PIEZO2: variants seen among roughly 807,000 people sequenced by gnomAD.
The protein encoded by PIEZO2 is piezo type mechanosensitive ion channel component 2, also known as piezo-type mechanosensitive ion channel component 2.
Under a neutral mutation model 337.3 loss-of-function variants are expected in PIEZO2, and 172 were observed. The observed-to-expected ratio is 0.51, with a 90% CI of 0.45 to 0.58. The LOEUF (loss-of-function observed/expected upper bound fraction) is 0.58, where lower values mean the gene tolerates loss of function less well. Ranked by LOEUF, PIEZO2 falls within the 20% of genes least tolerant of loss-of-function variation. The probability of loss-of-function intolerance (pLI) is 0.00; values close to 1 mark genes in which losing one functional copy is unlikely to be tolerated. For missense variants in PIEZO2, 3,028 were observed against 3,391.3 expected (o/e 0.89, Z 2.66); for synonymous variants, 1,251 against 1,228.5 (o/e 1.02, Z -0.38).
In PIEZO2 at chr18:11,027,018, G is replaced by C. The variant is rs1050434170; in HGVS notation, c.160+39109C>G. Among the ~76,000 whole-genome samples the C allele has an allele frequency of 6.6e-6, 1 of 152,242 alleles. No homozygotes were observed. The highest frequency in any genetic ancestry group is 6.5e-5 in the Admixed American group (1 of 15,286). On this transcript the variant is annotated intron_variant, in intron 2 of 55. Transcript: ENST00000674853. The surrounding 1 kb of genome is among the most constrained non-coding windows in gnomAD (Gnocchi z 4.2). Reference sequence around the variant, plus strand: ...CACAGCACTTATGTGTATGAGACAAGACTCTGCCCAAAAGTATTTTATAAG... The same window carrying C: ...CACAGCACTTATGTGTATGAGACAACACTCTGCCCAAAAGTATTTTATAAG...
intron 1 of PIEZO2, among the ~76,000 whole-genome samples, chr18:11,074,521 T>C (rs2038461581): frequency 6.6e-6 from 1 of 152,204 alleles, no homozygotes; most frequent in Admixed American, 6.5e-5. Context: ...AATCAAAAAC[T>C]GAGATAACAA....
chr18:10,685,036 A>G (rs984786756), intron 49 of PIEZO2, among the ~76,000 whole-genome samples: 1 of 152,126 alleles, frequency 6.6e-6, no homozygotes, highest in African/African-American at 2.4e-5. Context: ...ATGTTCTGGA[A>G]AGTGGTGCAT....
intron 1 of PIEZO2, among the ~76,000 whole-genome samples, chr18:11,142,370 G>T (rs1240303941): frequency 3.3e-5 from 5 of 152,174 alleles, no homozygotes; most frequent in Non-Finnish European, 7.4e-5. Context: ...GGCTTTTCAC[G>T]ATGTTGAGTA....
chr18:10,890,144 CA>C (rs1456014011), intron 4 of PIEZO2, among the ~76,000 whole-genome samples: 8 of 152,204 alleles, frequency 5.3e-5, no homozygotes, highest in Non-Finnish European at 1.2e-4. Flanking sequence ...AATGGAAAGC[CA>C]GTAAAATCTT....
At chr18:10,787,291 G>T in intron 15 of PIEZO2, 107 bp from the exon 16 acceptor site, 1 of 1,094,504 alleles carries the variant, frequency 9.1e-7, no homozygotes, top group Non-Finnish European at 1.3e-6. Context: ...ATTTACAAGT[G>T]TCTGAAAATA....
rs1001833507 is a variant in PIEZO2, at chr18:11,119,778, G to A, written c.64+28747C>T. ...CACTAGAGGAATAGATGTGGGAGGC[G>A]ACTGTTGCAAAATAGCTTTCCTTTC... is the stretch of plus-strand genomic sequence containing the variant. On this transcript the variant is annotated intron_variant, in intron 1 of 55. Coordinates refer to ENST00000674853, the MANE Select transcript of PIEZO2 (RefSeq NM_001378183.1). 5.3e-5 allele frequency among the ~76,000 whole-genome samples: 8 copies of A among 152,216 alleles called. No homozygotes were observed. The East Asian group carries it at 1.4e-3, about 26-fold the overall frequency.
intron 7 of PIEZO2, among the ~76,000 whole-genome samples, chr18:10,832,330 G>T (rs1310767284): frequency 1.3e-5 from 2 of 152,170 alleles, no homozygotes; most frequent in African/African-American, 4.8e-5. Context: ...TAGGGGAAGG[G>T]GGGGATATAT....
intron 2 of PIEZO2, among the ~76,000 whole-genome samples, chr18:11,053,624 A>G (rs1248222322): frequency 2.6e-5 from 4 of 152,174 alleles, no homozygotes; most frequent in African/African-American, 9.7e-5. Flanking sequence ...GCCTTTTTCC[A>G]TATTGCATCT....
chr18:10,699,174 G>A lies in PIEZO2; in HGVS notation c.6445C>T (p.His2149Tyr), dbSNP rs1008689461. ...LFFHRSILKC[H>Y]GLWDEDDMTE... The stretch of plus-strand genomic sequence containing the variant: ...ATGTCATCTTCATCCCATAAGCCAT[G>A]GCACTGAGAAAGCAGGGACAGGGAC... Residue 2149 changes from histidine to tyrosine, a missense_variant, in exon 44 of 56, where the codon CAT becomes TAT. His to Tyr is a moderately conservative substitution (Grantham distance 83). Around this residue, in one of 5 missense-constraint regions of PIEZO2, gnomAD observed 1,925 missense variants for 2,051.9 expected, o/e 0.94. Transcript: ENST00000674853. The A allele has an allele frequency of 2.0e-6, 3 of 1,537,124 alleles. No individual in the cohort carries two copies. The highest frequency in any genetic ancestry group is 2.0e-5 in the Admixed American group (1 of 50,974).
chr18:10,812,575 A>G (rs16975392), intron 7 of PIEZO2, among the ~76,000 whole-genome samples: 40,104 of 151,984 alleles, frequency 0.26, 5,819 homozygotes, highest in East Asian at 0.57. Context: ...GGACATCGCG[A>G]CATCAGGAAG....
chr18:10,914,831 CA>C (rs747606647), intron 3 of PIEZO2, among the ~76,000 whole-genome samples: 41 of 152,284 alleles, frequency 2.7e-4, no homozygotes, highest in South Asian at 2.3e-3. Context: ...ACACGGTAAA[CA>C]AACCTTGGAC....
rs1454107934 is a variant in PIEZO2 at position 10,702,091 on chromosome 18, C to A, written c.6339G>T (p.Pro2113=). 1 of 1,536,824 alleles carries A rather than the reference C, an allele frequency of 6.5e-7. No individual in the cohort carries two copies. Among genetic ancestry groups the A allele is most frequent in the Middle Eastern group, 1.7e-4 (1 of 5,988 alleles). Residue 2113 remains proline (P), a synonymous_variant, in exon 43 of 56, where the codon CCG becomes CCT. Coordinates refer to ENST00000674853, the MANE Select transcript of PIEZO2 (RefSeq NM_001378183.1). ...CTCCTATGATGTTTGGGGGGTGATACGGTTTATCTTTGTTCACCTCCACAT... is the reference window on the plus strand; with the variant it reads ...CTCCTATGATGTTTGGGGGGTGATAAGGTTTATCTTTGTTCACCTCCACAT... ...NKNVEVNKDK[P]YHPPNIIGVE...
chr18:11,087,774 G>C (rs1010678956), intron 1 of PIEZO2, among the ~76,000 whole-genome samples: 4 of 152,226 alleles, frequency 2.6e-5, no homozygotes, highest in Non-Finnish European at 5.9e-5. Flanking sequence ...TCCAAGGGAA[G>C]CTACTCCAAT....
At chr18:10,779,038 T>C (rs891339291) in intron 18 of PIEZO2, among the ~76,000 whole-genome samples, 1 of 152,248 alleles carries the variant, frequency 6.6e-6, no homozygotes, top group Non-Finnish European at 1.5e-5. Context: ...GTCTGTTTCT[T>C]ACTTCTCTTC....
chr18:10,948,623 C>T (rs1237749230), intron 3 of PIEZO2, among the ~76,000 whole-genome samples: 1 of 152,042 alleles, frequency 6.6e-6, no homozygotes, highest in African/African-American at 2.4e-5. Flanking sequence ...GATACGCGCT[C>T]GAGTGCTGTG....
At position 10,942,598 on chromosome 18, in the gene PIEZO2, G is replaced by A. The variant is rs1212633699; in HGVS notation, c.287-31370C>T. On this transcript the variant is annotated intron_variant, in intron 3 of 55. Coordinates refer to ENST00000674853, the MANE Select transcript of PIEZO2 (RefSeq NM_001378183.1). This position sits in a 1 kb window ranked among gnomAD's most constrained non-coding sequence, Gnocchi z 4.4. ...AAGAGGGTCCTGTAAAAGGCATTCAGTTTTAGAAGAGAAGCAGAGCACAAA... is the reference window on the plus strand; with the variant it reads ...AAGAGGGTCCTGTAAAAGGCATTCAATTTTAGAAGAGAAGCAGAGCACAAA... 1.3e-5 allele frequency among the ~76,000 whole-genome samples: 2 copies of A among 152,168 alleles called. No individual in the cohort carries two copies. The highest frequency in any genetic ancestry group is 4.8e-5 in the African/African-American group (2 of 41,436).
intron 4 of PIEZO2, among the ~76,000 whole-genome samples, chr18:10,900,427 C>G (rs940091481): frequency 2.0e-5 from 3 of 152,142 alleles, no homozygotes; most frequent in African/African-American, 7.2e-5. Context: ...GAGTCACAGG[C>G]ACTTAAGTGT....
At chr18:10,730,789 C>T (rs184569781) in intron 36 of PIEZO2, among the ~76,000 whole-genome samples, 6 of 152,090 alleles carry the variant, frequency 3.9e-5, no homozygotes, top group African/African-American at 9.7e-5. Context: ...TGCAGTGGTG[C>T]GATCTTGGCT....
rs1452449319 is a variant in PIEZO2 at position 11,028,953 on chromosome 18, T to G, written c.160+37174A>C. Among the ~76,000 whole-genome samples, 1 of 152,252 alleles carries G rather than the reference T, an allele frequency of 6.6e-6. No individual in the cohort carries two copies. The highest frequency in any genetic ancestry group is 1.5e-5 in the Non-Finnish European group (1 of 68,036). On this transcript the variant is annotated intron_variant, in intron 2 of 55. Coordinates refer to ENST00000674853, the MANE Select transcript of PIEZO2 (RefSeq NM_001378183.1). This position sits in a 1 kb window ranked among gnomAD's most constrained non-coding sequence, Gnocchi z 4.8. Reference sequence around the variant, plus strand: ...TAAGATGGCATGGAACATTTTACCTTGCATCTAAACAACACCAGTTTTAAG... The same window carrying G: ...TAAGATGGCATGGAACATTTTACCTGGCATCTAAACAACACCAGTTTTAAG...
Sources: allele counts gnomAD v4.1 joint callset (sites outside exome capture counted in the v4.1 genomes callset), GRCh38; gene constraint gnomAD v4.1.1; regional missense constraint gnomAD v4.1.1; non-coding constraint Gnocchi (gnomAD v3.1); transcripts MANE v1.5; gene names NCBI Gene and HGNC (gene_info 2026-07-23, HGNC 2026-07-21).